NELL1: variants seen among roughly 807,000 people sequenced by gnomAD.
The protein encoded by NELL1 is neural EGFL like 1, also known as protein kinase C-binding protein NELL1.
NELL1 carries 76 observed loss-of-function variants against 107.4 expected under a neutral mutation model. The ratio of observed to expected loss-of-function variants is 0.71; its 90% CI spans 0.59 to 0.86. The LOEUF is 0.86. Ranked by LOEUF, NELL1 falls within the 40% of genes least tolerant of loss-of-function variation. The pLI, the probability that NELL1 is intolerant of heterozygous loss-of-function variation, is 0.00. For synonymous variants in NELL1, 353 were observed against 341.2 expected, an observed-to-expected ratio of 1.03 and a Z score of -0.38; for missense variants, 1,024 against 1,005.5, an observed-to-expected ratio of 1.02 and a Z score of -0.25.
At chr11:21,209,993 T>C (rs571538808) in intron 13 of NELL1, among the ~76,000 whole-genome samples, 57 of 152,312 alleles carry the variant, frequency 3.7e-4, no homozygotes, top group African/African-American at 1.4e-3. Flanking sequence ...AATTATATCT[T>C]TTTTGACTGG....
chr11:21,052,490 G>A (rs1266758801), intron 12 of NELL1, among the ~76,000 whole-genome samples: 1 of 152,078 alleles, frequency 6.6e-6, no homozygotes, highest in African/African-American at 2.4e-5. Context: ...TATATGTTGG[G>A]AGTATAGCCA....
At chr11:21,498,836 C>T (rs1215074161) in intron 15 of NELL1, among the ~76,000 whole-genome samples, 1 of 151,990 alleles carries the variant, frequency 6.6e-6, no homozygotes, top group Admixed American at 6.6e-5. Flanking sequence ...CACTTTTCAA[C>T]CTGACCTATG....
At chr11:21,104,603 T>C (rs1229117788) in intron 12 of NELL1, among the ~76,000 whole-genome samples, 1 of 152,244 alleles carries the variant, frequency 6.6e-6, no homozygotes, top group Non-Finnish European at 1.5e-5. Flanking sequence ...TTCTTTACCA[T>C]ACATGGGATG....
At chr11:21,152,235 G>A (rs1856134217) in intron 13 of NELL1, among the ~76,000 whole-genome samples, 1 of 152,198 alleles carries the variant, frequency 6.6e-6, no homozygotes, top group Admixed American at 6.5e-5. Context: ...TAGCATCAGT[G>A]TGATTGAGTG....
chr11:20,928,486 A>T lies in NELL1; in HGVS notation c.997+7A>T. The T allele has an allele frequency of 1.2e-6, 2 of 1,608,080 alleles. No individual in the cohort carries two copies. The highest frequency in any genetic ancestry group is 1.7e-6 in the Non-Finnish European group (2 of 1,174,558). On this transcript the variant is annotated splice_region_variant and intron_variant, in intron 9 of 19. Coordinates refer to ENST00000357134, the MANE Select transcript of NELL1 (RefSeq NM_006157.5). ...TGCTGTAAGGTCTGCCGACGTAAGT[A>T]CTGACTGAGGGTCAGACTGGCTGTC... is the stretch of plus-strand genomic sequence containing the variant.
chr11:21,009,835 G>A (rs1565012888), intron 12 of NELL1, among the ~76,000 whole-genome samples: 2 of 152,038 alleles, frequency 1.3e-5, no homozygotes, highest in Non-Finnish European at 2.9e-5. Flanking sequence ...CTCAGAGGAA[G>A]GTTTAATAGC....
chr11:21,030,067 C>A (rs1368732156), intron 12 of NELL1, among the ~76,000 whole-genome samples: 4 of 152,136 alleles, frequency 2.6e-5, no homozygotes, highest in African/African-American at 9.7e-5. Context: ...GATAGATCTG[C>A]ACAAGTTTGG....
intron 14 of NELL1, among the ~76,000 whole-genome samples, chr11:21,300,825 A>T (rs1849476091): frequency 6.6e-6 from 1 of 152,040 alleles, no homozygotes; most frequent in Admixed American, 6.6e-5. Context: ...ACATATGTAT[A>T]CATGTCCCAT....
intron 15 of NELL1, among the ~76,000 whole-genome samples, chr11:21,433,968 C>A (rs1245122631): frequency 6.6e-6 from 1 of 152,180 alleles, no homozygotes; most frequent in Non-Finnish European, 1.5e-5. Context: ...AGCCACCACG[C>A]CCAGCAGGCC....
intron 2 of NELL1, among the ~76,000 whole-genome samples, chr11:20,701,181 T>C (rs180747520): frequency 6.7e-4 from 102 of 152,008 alleles, no homozygotes; most frequent in Non-Finnish European, 1.3e-3. Flanking sequence ...TTGTTTCTTG[T>C]CTTTTTAATA....
At chr11:20,974,217 T>G (rs190035307) in intron 12 of NELL1, among the ~76,000 whole-genome samples, 1 of 152,234 alleles carries the variant, frequency 6.6e-6, no homozygotes, top group Admixed American at 6.5e-5. Flanking sequence ...TGGTATGAGG[T>G]GGGACACTCC....
At chr11:21,214,245 T>A in intron 13 of NELL1, among the ~76,000 whole-genome samples, 1 of 152,150 alleles carries the variant, frequency 6.6e-6, no homozygotes, top group South Asian at 2.1e-4. Flanking sequence ...ACTTTGACAA[T>A]CGTGTCAGCA....
intron 15 of NELL1, among the ~76,000 whole-genome samples, chr11:21,415,417 T>G (rs1275526722): frequency 6.6e-6 from 1 of 152,052 alleles, no homozygotes; most frequent in Non-Finnish European, 1.5e-5. Context: ...AGTATGAGGT[T>G]GATAACACCA....
chr11:21,547,930 G>T (rs76470623), intron 16 of NELL1, among the ~76,000 whole-genome samples: 5,225 of 151,786 alleles, frequency 0.034, 303 homozygotes, highest in African/African-American at 0.12. Context: ...AAACTGTTTG[G>T]GGACACATGT....
intron 19 of NELL1, among the ~76,000 whole-genome samples, chr11:21,574,411 G>A (rs1857174089): frequency 6.6e-6 from 1 of 151,590 alleles, no homozygotes; most frequent in South Asian, 2.1e-4. Context: ...TTACTTATTT[G>A]ATAATTATGT....
intron 13 of NELL1, among the ~76,000 whole-genome samples, chr11:21,171,043 A>G (rs534358543): frequency 2.0e-5 from 3 of 151,940 alleles, no homozygotes; most frequent in Non-Finnish European, 4.4e-5. Flanking sequence ...GATTTAGGTT[A>G]GGTTGTTTTT....
intron 2 of NELL1, among the ~76,000 whole-genome samples, chr11:20,688,514 A>G (rs1442784296): frequency 1.3e-5 from 2 of 152,132 alleles, no homozygotes; most frequent in Non-Finnish European, 2.9e-5. Context: ...TTTGCTTAGG[A>G]TAATGGCCTC....
At chr11:20,996,651 C>T (rs1852096884) in intron 12 of NELL1, among the ~76,000 whole-genome samples, 1 of 152,132 alleles carries the variant, frequency 6.6e-6, no homozygotes, top group African/African-American at 2.4e-5. Context: ...AGTTCAGGGA[C>T]CCTGGATATG....
At chr11:21,513,631 A>G (rs2133947206) in intron 15 of NELL1, among the ~76,000 whole-genome samples, 1 of 152,312 alleles carries the variant, frequency 6.6e-6, no homozygotes, top group African/African-American at 2.4e-5. Flanking sequence ...GCTAAAATAG[A>G]ATGAAATTAA....
Sources: gnomAD v4.1 joint callset for allele counts (sites outside exome capture counted in the v4.1 genomes callset) on GRCh38, gnomAD v4.1.1 for gene constraint, MANE v1.5 for transcripts, NCBI Gene and HGNC (gene_info 2026-07-23, HGNC 2026-07-21) for gene names.